Variants in HIP1 observed in about 807,000 individuals in gnomAD.
HIP1 encodes the protein huntingtin-interacting protein 1.
Under a neutral mutation model 147.6 loss-of-function variants are expected in HIP1, and 65 were observed. The ratio of observed to expected loss-of-function variants is 0.44; its 90% CI spans 0.36 to 0.54. The LOEUF (loss-of-function observed/expected upper bound fraction) is 0.54. Among genes scored for constraint, HIP1 ranks in the 20% least tolerant of loss-of-function variants. HIP1 has a pLI of 0.00. For synonymous variants in HIP1, 479 were observed against 504.0 expected (o/e 0.95, Z 0.67); for missense variants, 1,061 against 1,299.6 (o/e 0.82, Z 2.82).
intron 2 of HIP1, among the ~76,000 whole-genome samples, chr7:75,596,193 G>A (rs960351293): frequency 7.9e-6 from 1 of 127,144 alleles, no homozygotes; most frequent in African/African-American, 3.2e-5. Flanking sequence ...AACTGATTGT[G>A]TCACTGCACT....
At chr7:75,572,042 T>C (rs587615282) in intron 8 of HIP1, among the ~76,000 whole-genome samples, 210 of 152,132 alleles carry the variant, frequency 1.4e-3, no homozygotes, top group African/African-American at 4.7e-3. Flanking sequence ...AAACCCCATC[T>C]CTACTAAAAA....
At chr7:75,671,798 G>T (rs1384011528) in intron 1 of HIP1, among the ~76,000 whole-genome samples, 1 of 151,904 alleles carries the variant, frequency 6.6e-6, no homozygotes, top group Non-Finnish European at 1.5e-5. Flanking sequence ...GTAGTGGTGT[G>T]ATCTCAGCTC....
At chr7:75,554,085 G>T in intron 21 of HIP1, 28 bp downstream of exon 21, 3 of 1,567,482 alleles carry the variant, frequency 1.9e-6, no homozygotes, top group South Asian at 2.2e-5. Context: ...CCTGGTCCAT[G>T]AACAGCCCCT....
chr7:75,534,036 T>C lies in HIP1; in HGVS notation c.*4136A>G, dbSNP rs1793993066. The C allele has an allele frequency of 4.3e-6, 1 of 231,934 alleles. No individual in the cohort carries two copies. Among genetic ancestry groups the C allele is most frequent in the Non-Finnish European group, 8.5e-6 (1 of 117,228 alleles). 14.4% of individuals were successfully genotyped at this position (231,934 alleles called of 1,614,324 possible). ...AAGGTAGCAAGATGCTGACCGGTTA[T>C]TAAAGACCAGGGTCAAATGGAGCCA... On this transcript the variant is annotated 3_prime_UTR_variant, in exon 31 of 31. Transcript: ENST00000336926.
intron 8 of HIP1, among the ~76,000 whole-genome samples, chr7:75,572,945 T>A (rs1186588995): frequency 3.9e-5 from 6 of 152,206 alleles, no homozygotes; most frequent in African/African-American, 1.4e-4. Flanking sequence ...GGCTTCTCCC[T>A]GCTGTCGGCA....
At chr7:75,701,961 G>C (rs1290170455) in intron 1 of HIP1, among the ~76,000 whole-genome samples, 2 of 151,454 alleles carry the variant, frequency 1.3e-5, no homozygotes, top group Non-Finnish European at 2.9e-5. Context: ...ACAGAGTCTC[G>C]CTCTGTCGCC....
intron 1 of HIP1, among the ~76,000 whole-genome samples, chr7:75,600,377 C>T (rs1295260813): frequency 2.0e-5 from 3 of 152,194 alleles, no homozygotes; most frequent in African/African-American, 7.2e-5. Flanking sequence ...TCCCAAAGTG[C>T]TGAGATTACA....
chr7:75,717,372 A>G (rs1209725001), intron 1 of HIP1, among the ~76,000 whole-genome samples: 3 of 152,170 alleles, frequency 2.0e-5, no homozygotes, highest in African/African-American at 7.2e-5. Flanking sequence ...TATAGCACTT[A>G]GAAAGTCATG....
chr7:75,658,759 T>TA lies in HIP1; in HGVS notation c.121-59513dup, dbSNP rs1259041662. Among the ~76,000 whole-genome samples, 456 of 148,764 alleles carry TA rather than the reference T, an allele frequency of 3.1e-3. 1 individual carries two copies. The highest frequency in any genetic ancestry group is 0.017 in the Middle Eastern group (5 of 286). On this transcript the variant is annotated intron_variant, in intron 1 of 30. Transcript: ENST00000336926. The stretch of plus-strand genomic sequence containing the variant: ...GCAAAACCCTGTCTCTAGAAAAGAT[T>TA]AAAAAAAAAATCACCTGTAATCCTA...
In HIP1 at chr7:75,538,183, C is replaced by T. The variant is rs894354256; in HGVS notation, c.3103G>A (p.Glu1035Lys). ...GTGTTGGTTTGGCTCTATTCTTTTTCGGTTACCACTTCTTGCAGTGTAGGT... is the reference window on the plus strand; with the variant it reads ...GTGTTGGTTTGGCTCTATTCTTTTTTGGTTACCACTTCTTGCAGTGTAGGT... ...SPPTLQEVVTEKE is the reference protein window; with the variant it reads ...SPPTLQEVVTKKE The change falls in exon 31 of 31, where the codon GAA (glutamate) becomes AAA (lysine). Residue 1035 changes from glutamate (E) to lysine (K), a missense_variant. Glu to Lys is a moderately conservative substitution (Grantham distance 56). Transcript: ENST00000336926. 21 of 1,612,270 alleles carry T rather than the reference C, an allele frequency of 1.3e-5. No homozygotes were observed. Among genetic ancestry groups the T allele is most frequent in the Non-Finnish European group, 1.5e-5 (18 of 1,178,584 alleles).
At chr7:75,546,089 T>A (rs1794552038) in intron 25 of HIP1, among the ~76,000 whole-genome samples, 1 of 152,166 alleles carries the variant, frequency 6.6e-6, no homozygotes, top group Non-Finnish European at 1.5e-5. Context: ...ACCATGACAT[T>A]TCTGTATTGT....
intron 18 of HIP1, 84 bp downstream of exon 18, chr7:75,555,942 G>C (rs1011945458): frequency 1.3e-6 from 2 of 1,534,914 alleles, no homozygotes; most frequent in Non-Finnish European, 1.8e-6. Context: ...CAGCAGCCCC[G>C]GGGTCCTCCC....
chr7:75,583,634 C>T lies in HIP1; in HGVS notation c.466-1483G>A, dbSNP rs146122147. Among the ~76,000 whole-genome samples the T allele has an allele frequency of 9.2e-3, 1,397 of 152,010 alleles. 22 individuals carry two copies. The highest frequency in any genetic ancestry group is 0.032 in the African/African-American group (1,321 of 41,472). ...AGAGACATGGCCTCACTGTTGCCCA[C>T]GCTGGAGTGCAGTGGCATGATCATC... On this transcript the variant is annotated intron_variant, in intron 5 of 30. Transcript: ENST00000336926.
At chr7:75,656,267 T>C (rs1369364894) in intron 1 of HIP1, among the ~76,000 whole-genome samples, 1 of 151,938 alleles carries the variant, frequency 6.6e-6, no homozygotes, top group African/African-American at 2.4e-5. Flanking sequence ...ACCAAATCTA[T>C]ATATTTATCA....
intron 1 of HIP1, among the ~76,000 whole-genome samples, chr7:75,656,395 G>C (rs1490855112): frequency 6.7e-6 from 1 of 148,482 alleles, no homozygotes; most frequent in Non-Finnish European, 1.5e-5. Context: ...CCTAGCTTGC[G>C]TAAGGAGCCA....
At chr7:75,681,680 A>AT (rs576876583) in intron 1 of HIP1, among the ~76,000 whole-genome samples, 114 of 149,566 alleles carry the variant, frequency 7.6e-4, no homozygotes, top group Non-Finnish European at 1.1e-3. Flanking sequence ...CTAATTTTTT[A>AT]TTTTTTTTTA....
chr7:75,581,787 AAAAC>A (rs1563218985), intron 6 of HIP1, among the ~76,000 whole-genome samples: 1 of 152,126 alleles, frequency 6.6e-6, no homozygotes, highest in African/African-American at 2.4e-5. Context: ...TCAAAAAACA[AAAAC>A]AAAAACAGTG....
chr7:75,663,705 G>C (rs890026963), intron 1 of HIP1, among the ~76,000 whole-genome samples: 1 of 151,234 alleles, frequency 6.6e-6, no homozygotes, highest in Non-Finnish European at 1.5e-5. Flanking sequence ...AGAGATGAGA[G>C]AACAGAGCCG....
chr7:75,733,188 A>G (rs933608483), intron 1 of HIP1, among the ~76,000 whole-genome samples: 57 of 152,176 alleles, frequency 3.7e-4, no homozygotes, highest in African/African-American at 1.3e-3. Flanking sequence ...CGGGCCTGAC[A>G]CTTGGAACCT....
Sources: allele counts gnomAD v4.1 joint callset (sites outside exome capture counted in the v4.1 genomes callset), GRCh38; gene constraint gnomAD v4.1.1; transcripts MANE v1.5; gene names NCBI Gene and HGNC (gene_info 2026-07-23, HGNC 2026-07-21).